Variants in MCPH1 observed in about 807,000 individuals in gnomAD.
MCPH1 encodes the protein microcephalin 1.
In MCPH1, 104 loss-of-function variants were observed where a neutral mutation model predicts 84.5. That is an observed-to-expected ratio of 1.23 (90% CI 1.05 to 1.45). MCPH1 has a LOEUF of 1.45. MCPH1 is among the 40% of genes most tolerant of loss of function. MCPH1 has a pLI of 0.00. For synonymous variants in MCPH1, 514 were observed against 366.8 expected, an observed-to-expected ratio of 1.40 and a Z score of -4.58; for missense variants, 1,498 against 1,005.7, an observed-to-expected ratio of 1.49 and a Z score of -6.62.
In MCPH1 at chr8:6,444,951, C is replaced by G; in HGVS notation, c.1229C>G (p.Ser410Cys). ...CTGGAGGCTCTTAGCTGTGGGGAGT[C>G]TTCATATGATGACTATTTTTCACCT... ...PALEALSCGE[S>C]SYDDYFSPDN... The change falls in exon 8 of 14, where the codon TCT (serine) becomes TGT (cysteine). Residue 410 changes from serine (S) to cysteine (C), a missense_variant. Coordinates refer to ENST00000344683, the MANE Select transcript of MCPH1 (RefSeq NM_024596.5). The G allele has an allele frequency of 2.5e-6, 4 of 1,614,152 alleles. No homozygotes were observed. The highest frequency in any genetic ancestry group is 3.4e-6 in the Non-Finnish European group (4 of 1,180,036).
intron 12 of MCPH1, among the ~76,000 whole-genome samples, chr8:6,531,293 C>CTTTT (rs112161330): frequency 1.4e-5 from 2 of 142,378 alleles, no homozygotes; most frequent in African/African-American, 2.6e-5. Flanking sequence ...TTCTTTCTTT[C>CTTTT]TTTTTTTTTT....
At chr8:6,477,531 TG>T in intron 9 of MCPH1, 62 bp from the exon 10 acceptor site, 1 of 1,455,064 alleles carries the variant, frequency 6.9e-7, no homozygotes, top group Non-Finnish European at 9.6e-7. Context: ...AGTTTATTTC[TG>T]TGGGAAAAAT....
intron 6 of MCPH1, 52 bp downstream of exon 6, chr8:6,439,148 T>C: frequency 6.4e-7 from 1 of 1,554,862 alleles, no homozygotes; most frequent in South Asian, 1.1e-5. Flanking sequence ...GATTCAATTA[T>C]GGTGGAAAGC....
chr8:6,603,679 A>C (rs555028965), intron 12 of MCPH1, among the ~76,000 whole-genome samples: 1 of 152,328 alleles, frequency 6.6e-6, no homozygotes, highest in East Asian at 1.9e-4. Context: ...CTTATTCATA[A>C]GGCTGAGCTT....
At chr8:6,606,569 C>A (rs1412219536) in intron 12 of MCPH1, among the ~76,000 whole-genome samples, 1 of 152,204 alleles carries the variant, frequency 6.6e-6, no homozygotes, top group Non-Finnish European at 1.5e-5. Flanking sequence ...TGTGCTGCTT[C>A]CTGCCCCCTC....
At chr8:6,414,972 A>C in intron 3 of MCPH1, 89 bp downstream of exon 3, 7 of 1,362,188 alleles carry the variant, frequency 5.1e-6, no homozygotes, top group Non-Finnish European at 7.2e-6. Context: ...GAACCAGATA[A>C]AGTTTGATTT....
chr8:6,479,145 TA>T (rs1046322087), intron 10 of MCPH1, among the ~76,000 whole-genome samples: 2 of 152,098 alleles, frequency 1.3e-5, no homozygotes, highest in Admixed American at 1.3e-4. Flanking sequence ...GAATTGCCTA[TA>T]GTCCCAACTA....
At chr8:6,500,999 G>C (rs1192919658) in intron 12 of MCPH1, 1 of 152,136 alleles carries the variant, frequency 6.6e-6, no homozygotes, top group Non-Finnish European at 1.5e-5. Flanking sequence ...GTTGTCTTTC[G>C]AGGCTGTGAA....
intron 3 of MCPH1, among the ~76,000 whole-genome samples, chr8:6,424,624 G>C (rs1261824044): frequency 2.0e-5 from 3 of 152,208 alleles, no homozygotes; most frequent in Non-Finnish European, 4.4e-5. Context: ...CCCTCAGTTT[G>C]GAACGGTCTG....
In MCPH1 at chr8:6,647,875, A is replaced by G. The variant is rs979628942; in HGVS notation, c.*4826A>G. On this transcript the variant is annotated 3_prime_UTR_variant, in exon 14 of 14. Coordinates refer to ENST00000344683, the MANE Select transcript of MCPH1 (RefSeq NM_024596.5). Reference sequence around the variant, plus strand: ...AAAATCAATGAACAGAACACTTTTAATGGGTAAGCCTTAAGGCATGTGAAT... The same window carrying G: ...AAAATCAATGAACAGAACACTTTTAGTGGGTAAGCCTTAAGGCATGTGAAT... 2 of 152,210 alleles carry G rather than the reference A, an allele frequency of 1.3e-5. No homozygotes were observed. Among genetic ancestry groups the G allele is most frequent in the African/African-American group, 4.8e-5 (2 of 41,456 alleles). 9.4% of individuals were successfully genotyped at this position (152,210 alleles called of 1,614,324 possible). A position where few individuals can be genotyped will look rare whatever the true frequency, so the allele number is the denominator to read the frequency against.
intron 12 of MCPH1, among the ~76,000 whole-genome samples, chr8:6,553,338 A>G (rs1187459842): frequency 6.6e-6 from 1 of 152,198 alleles, no homozygotes; most frequent in African/African-American, 2.4e-5. Context: ...ACAAAATGTT[A>G]TTGTGTACTT....
chr8:6,460,632 A>T (rs1806175520), intron 9 of MCPH1, among the ~76,000 whole-genome samples: 1 of 151,698 alleles, frequency 6.6e-6, no homozygotes, highest in Non-Finnish European at 1.5e-5. Context: ...GGCTCCCCTC[A>T]ATTTCTGTTT....
intron 12 of MCPH1, among the ~76,000 whole-genome samples, chr8:6,569,224 C>T (rs1353361080): frequency 5.3e-5 from 8 of 152,200 alleles, no homozygotes; most frequent in Non-Finnish European, 1.2e-4. Context: ...ACTGGCACAA[C>T]ACCTGCCCCT....
At chr8:6,604,575 G>A (rs1407742202) in intron 12 of MCPH1, among the ~76,000 whole-genome samples, 1 of 152,246 alleles carries the variant, frequency 6.6e-6, no homozygotes, top group Non-Finnish European at 1.5e-5. Context: ...CGCAAACTCG[G>A]CTCACTGCAA....
At chr8:6,574,273 C>A (rs1826886497) in intron 12 of MCPH1, among the ~76,000 whole-genome samples, 1 of 152,130 alleles carries the variant, frequency 6.6e-6, no homozygotes, top group African/African-American at 2.4e-5. Context: ...CCCTCTGAAA[C>A]CTATAGGGGG....
intron 12 of MCPH1, among the ~76,000 whole-genome samples, chr8:6,607,951 C>G (rs779912192): frequency 6.6e-6 from 1 of 152,216 alleles, no homozygotes; most frequent in African/African-American, 2.4e-5. Flanking sequence ...GATCCATTCA[C>G]GCCCAAGAAG....
chr8:6,549,624 T>C (rs116217351), intron 12 of MCPH1, among the ~76,000 whole-genome samples: 1 of 149,682 alleles, frequency 6.7e-6, no homozygotes, highest in African/African-American at 2.5e-5. Flanking sequence ...GTTACACAGG[T>C]GCGCACAGAT....
chr8:6,531,872 C>G (rs139470523), intron 12 of MCPH1, among the ~76,000 whole-genome samples: 243 of 152,354 alleles, frequency 1.6e-3, no homozygotes, highest in Non-Finnish European at 2.9e-3. Context: ...ACTCATTCCA[C>G]AGGCTGTGTT....
At chr8:6,423,308 G>A (rs1055774520) in intron 3 of MCPH1, among the ~76,000 whole-genome samples, 8 of 148,330 alleles carry the variant, frequency 5.4e-5, no homozygotes, top group South Asian at 2.1e-4. Flanking sequence ...GGGACTACAG[G>A]CGCCCGCCAC....
Sources: gnomAD v4.1 joint callset for allele counts (sites outside exome capture counted in the v4.1 genomes callset) on GRCh38, gnomAD v4.1.1 for gene constraint, MANE v1.5 for transcripts, NCBI Gene and HGNC (gene_info 2026-07-23, HGNC 2026-07-21) for gene names.